GFM2: variants seen among roughly 807,000 people sequenced by gnomAD.
GFM2 encodes ribosome-releasing factor 2, mitochondrial.
GFM2 carries 72 observed loss-of-function variants against 95.4 expected under a neutral mutation model. The ratio of observed to expected loss-of-function variants is 0.76; its 90% CI spans 0.62 to 0.92. The LOEUF is 0.92. GFM2 is among the 40% of genes least tolerant of loss of function. GFM2 has a pLI of 0.00. For missense variants in GFM2, 825 were observed against 924.1 expected (o/e 0.89, Z 1.39); for synonymous variants, 276 against 317.5 (o/e 0.87, Z 1.39).
intron 16 of GFM2, among the ~76,000 whole-genome samples, chr5:74,732,564 A>C (rs552497452): frequency 6.6e-6 from 1 of 152,130 alleles, no homozygotes; most frequent in Non-Finnish European, 1.5e-5. Context: ...ACAGTTCTGC[A>C]CCTACTTTAA....
At chr5:74,728,037 A>G (rs1404669655) in intron 17 of GFM2, among the ~76,000 whole-genome samples, 3 of 152,180 alleles carry the variant, frequency 2.0e-5, no homozygotes, top group Non-Finnish European at 4.4e-5. Context: ...TCTGGTAGCC[A>G]TCATTCTACT....
intron 5 of GFM2, among the ~76,000 whole-genome samples, chr5:74,755,334 G>A (rs1743925012): frequency 6.6e-6 from 1 of 151,912 alleles, no homozygotes; most frequent in South Asian, 2.1e-4. Context: ...AACTCCAAAA[G>A]GAACCCTCAA....
Position 74,763,764 on chromosome 5 carries a change from T to A in GFM2, c.-22A>T. 1 of 1,595,516 alleles carries A rather than the reference T, an allele frequency of 6.3e-7. No individual in the cohort carries two copies. The highest frequency in any genetic ancestry group is 8.6e-7 in the Non-Finnish European group (1 of 1,164,870). ...ACATCTTGATCCTCCAAACTGTTAC[T>A]GTCTGAAAAAATAAATATACAAAAT... On this transcript the variant is annotated splice_region_variant and 5_prime_UTR_variant, in exon 2 of 21. Coordinates refer to ENST00000296805, the MANE Select transcript of GFM2 (RefSeq NM_032380.5).
rs1309507827 is a variant in GFM2 at position 74,726,081 on chromosome 5, A to G, written c.1772T>C (p.Val591Ala). 3 of 1,612,594 alleles carry G rather than the reference A, an allele frequency of 1.9e-6. No individual in the cohort carries two copies. The highest frequency in any genetic ancestry group is 2.5e-6 in the Non-Finnish European group (3 of 1,179,588). ...TLGDKRHLVT[V>A]EVEARPIETS... Reference sequence around the variant, plus strand: ...TTCAATTGGCCTTGCTTCCACTTCTACAGTCACAAGATGCCTTTTGTCTCC... The same window carrying G: ...TTCAATTGGCCTTGCTTCCACTTCTGCAGTCACAAGATGCCTTTTGTCTCC... The change falls in exon 18 of 21, where the codon GTA (valine) becomes GCA (alanine). Residue 591 changes from valine (V) to alanine (A), a missense_variant. Physicochemically the swap from Val to Ala is moderately conservative, Grantham distance 64. Transcript: ENST00000296805.
chr5:74,758,372 T>C (rs745669127), intron 5 of GFM2, among the ~76,000 whole-genome samples: 67 of 152,320 alleles, frequency 4.4e-4, no homozygotes, highest in Middle Eastern at 6.8e-3. Flanking sequence ...GGCATGTACC[T>C]TAGGTGACAC....
intron 2 of GFM2, among the ~76,000 whole-genome samples, chr5:74,761,948 T>C (rs932177305): frequency 2.6e-5 from 4 of 152,182 alleles, no homozygotes; most frequent in Non-Finnish European, 4.4e-5. Flanking sequence ...AATAATAAGC[T>C]ACTATCCTCA....
At chr5:74,748,289 C>T (rs1388173109) in intron 7 of GFM2, among the ~76,000 whole-genome samples, 2 of 152,106 alleles carry the variant, frequency 1.3e-5, no homozygotes, top group South Asian at 2.1e-4. Flanking sequence ...AATTTATATA[C>T]AATAAAGTAC....
Position 74,730,379 on chromosome 5 carries a change from C to T in GFM2, c.1607G>A (p.Gly536Glu), listed in dbSNP as rs755717926. The T allele has an allele frequency of 6.2e-7, 1 of 1,606,788 alleles. No homozygotes were observed. Among genetic ancestry groups the T allele is most frequent in the Non-Finnish European group, 8.5e-7 (1 of 1,176,060 alleles). Reference protein sequence around the residue: ...DSGQTVLCGMGELHIEIIHDR... With the variant: ...DSGQTVLCGMEELHIEIIHDR... ...ATGAATAATCTCTATATGTAACTCC[C>T]CCATACCACACAGAACAGTCTGGTT... The change falls in exon 17 of 21, where the codon GGG becomes GAG. Residue 536 changes from glycine to glutamate, a missense_variant. Physicochemically the swap from Gly to Glu is moderately conservative, Grantham distance 98 (BLOSUM62 -2). Transcript: ENST00000296805.
At chr5:74,746,043 T>C (rs901701381) in intron 9 of GFM2, 62 bp downstream of exon 9, 31 of 1,235,996 alleles carry the variant, frequency 2.5e-5, no homozygotes, top group Middle Eastern at 2.0e-4. Flanking sequence ...GAAATGTATA[T>C]ATTGTCACAA....
At chr5:74,761,183 T>C (rs1235974681) in intron 2 of GFM2, among the ~76,000 whole-genome samples, 197 bp from the exon 3 acceptor site, 1 of 152,220 alleles carries the variant, frequency 6.6e-6, no homozygotes, top group African/African-American at 2.4e-5. Flanking sequence ...ATAAAATTAA[T>C]ACTGATTTGC....
At chr5:74,723,148 G>A (rs1749991238) in intron 19 of GFM2, among the ~76,000 whole-genome samples, 1 of 152,096 alleles carries the variant, frequency 6.6e-6, no homozygotes, top group South Asian at 2.1e-4. Context: ...TATCTAACTA[G>A]GGCATACCAT....
chr5:74,751,231 A>T (rs1175560314), intron 6 of GFM2, 137 bp downstream of exon 6: 1 of 760,296 alleles, frequency 1.3e-6, no homozygotes, highest in Non-Finnish European at 2.1e-6. Flanking sequence ...ACTAAACTGT[A>T]CACTTAAAAA....
rs1742945869 is a variant in GFM2 at position 74,738,496 on chromosome 5, A to C, written c.1220+6T>G. On this transcript the variant is annotated splice_donor_region_variant and intron_variant, in intron 13 of 20. Coordinates refer to ENST00000296805, the MANE Select transcript of GFM2 (RefSeq NM_032380.5). ...GTTTTATAAAATAATCTAAGCTTCT[A>C]CTTACGTGCAGTTTCCATTAATATT... 7.4e-6 allele frequency: 12 copies of C among 1,611,310 alleles called. No homozygotes were observed. The highest frequency in any genetic ancestry group is 1.0e-5 in the Non-Finnish European group (12 of 1,178,958).
intron 5 of GFM2, among the ~76,000 whole-genome samples, chr5:74,754,201 C>T (rs1001357384): frequency 6.6e-6 from 1 of 151,602 alleles, no homozygotes; most frequent in African/African-American, 2.4e-5. Context: ...ACTACAAGAA[C>T]TACTAAAAGC....
At position 74,747,727 on chromosome 5, in the gene GFM2, G is replaced by C. The variant is rs754003983; in HGVS notation, c.573C>G (p.Ile191Met). ...TTTTGTCCATCTTGTTTAAAAAACA[G>C]ATTCGAGGTATATTGTGTTTATCAG... ...RQADKHNIPR[I>M]CFLNKMDKTG... Residue 191 changes from isoleucine to methionine, a missense_variant, in exon 8 of 21, where the codon ATC becomes ATG. Ile to Met is a conservative substitution (Grantham distance 10). Coordinates refer to ENST00000296805, the MANE Select transcript of GFM2 (RefSeq NM_032380.5). The C allele has an allele frequency of 6.2e-7, 1 of 1,612,366 alleles. No homozygotes were observed.
At chr5:74,748,165 T>C (rs1743485879) in intron 7 of GFM2, among the ~76,000 whole-genome samples, 1 of 152,246 alleles carries the variant, frequency 6.6e-6, no homozygotes, top group Non-Finnish European at 1.5e-5. Flanking sequence ...TCATTTAATG[T>C]CAGGTTTCTG....
In GFM2 at chr5:74,722,538, T is replaced by G. The variant is rs1749952366; in HGVS notation, c.2052A>C (p.Gln684His). ...VQKALKKADK[Q>H]VLEPLMNLEV... Reference sequence around the variant, plus strand: ...CAAGATTCATCAGAGGCTCCAAAACTTGCTTATCAGCTTTCTTCAGAGCCT... The same window carrying G: ...CAAGATTCATCAGAGGCTCCAAAACGTGCTTATCAGCTTTCTTCAGAGCCT... The change falls in exon 20 of 21, where the codon CAA (glutamine) becomes CAC (histidine). Residue 684 changes from glutamine (Q) to histidine (H), a missense_variant. Physicochemically the swap from Gln to His is conservative, Grantham distance 24. Coordinates refer to ENST00000296805, the MANE Select transcript of GFM2 (RefSeq NM_032380.5). 6.2e-7 allele frequency: 1 copy of G among 1,612,830 alleles called. No individual in the cohort carries two copies.
rs563442276 is a variant in GFM2, at chr5:74,764,410, T to C, written c.-24-644A>G. On this transcript the variant is annotated intron_variant, in intron 1 of 20. Transcript: ENST00000296805. ...TGTTAAACCAAGCTTGTCCAACCCG[T>C]GGCCTGCAGGCCACATGCGGCCCAC... is the stretch of plus-strand genomic sequence containing the variant. 2.0e-5 allele frequency among the ~76,000 whole-genome samples: 3 copies of C among 152,348 alleles called. 1 individual carries two copies. The highest frequency in any genetic ancestry group is 2.0e-4 in the Admixed American group (3 of 15,310).
At chr5:74,765,017 C>T in intron 1 of GFM2, 1 of 549,058 alleles carries the variant, frequency 1.8e-6, no homozygotes, top group Non-Finnish European at 2.8e-6. Context: ...AACTCCTGAC[C>T]TCAAGTGATC....
Sources: gnomAD v4.1 joint callset for allele counts (sites outside exome capture counted in the v4.1 genomes callset) on GRCh38, gnomAD v4.1.1 for gene constraint, MANE v1.5 for transcripts, NCBI Gene and HGNC (gene_info 2026-07-23, HGNC 2026-07-21) for gene names.